Variants in MTFR1 observed in about 807,000 individuals in gnomAD.
MTFR1 encodes mitochondrial fission regulator 1, also known as chondrocyte protein with a poly-proline region.
A neutral mutation model predicts 38.8 loss-of-function variants in MTFR1; 28 were observed. The ratio of observed to expected loss-of-function variants is 0.72; its 90% CI spans 0.53 to 0.99. The LOEUF is 0.99. MTFR1 is among the 50% of genes least tolerant of loss of function. The probability of loss-of-function intolerance (pLI) is 0.00; values close to 1 mark genes in which losing one functional copy is unlikely to be tolerated. For missense variants in MTFR1, 358 were observed against 395.5 expected (o/e 0.91, Z 0.81); for synonymous variants, 145 against 137.0 (o/e 1.06, Z -0.41).
downstream of MTFR1, among the ~76,000 whole-genome samples, chr8:65,773,525 A>T (rs1441759985): frequency 6.6e-6 from 1 of 152,234 alleles, no homozygotes; most frequent in African/African-American, 2.4e-5. Context: ...ATAAGTATAG[A>T]TACCAAAACC....
At chr8:65,732,795 G>A (rs529932810) in intron 3 of MTFR1, among the ~76,000 whole-genome samples, 2 of 152,322 alleles carry the variant, frequency 1.3e-5, no homozygotes, top group South Asian at 4.1e-4. Context: ...TTACAGGCAT[G>A]AGCCACCGCA....
At chr8:65,710,990 TAGAGAG>T (rs58516082), downstream of MTFR1, among the ~76,000 whole-genome samples, 15 of 150,754 alleles carry the variant, frequency 9.9e-5, no homozygotes, top group African/African-American at 1.5e-4. Context: ...TATATATATA[TAGAGAG>T]AGAGAGAGAG....
rs772035003 is a variant in MTFR1, at chr8:65,745,448, T to C, written c.*49-25499T>C. On this transcript the variant is annotated intron_variant, in intron 3 of 3. Transcript: ENST00000521247. Reference sequence around the variant, plus strand: ...AAATAGAAAGATATCAAAATTCCAATTTCCAACTTTTTCCAGCATACACTG... The same window carrying C: ...AAATAGAAAGATATCAAAATTCCAACTTCCAACTTTTTCCAGCATACACTG... The C allele has an allele frequency of 1.3e-5, 20 of 1,566,070 alleles. No homozygotes were observed. The highest frequency in any genetic ancestry group is 1.8e-5 in the Non-Finnish European group (20 of 1,136,436).
chr8:65,716,799 G>A (rs1806159962), intron 2 of MTFR1, among the ~76,000 whole-genome samples: 2 of 145,496 alleles, frequency 1.4e-5, no homozygotes, highest in African/African-American at 4.9e-5. Flanking sequence ...AAGGATCTGA[G>A]TTATCAGACT....
intron 2 of MTFR1, among the ~76,000 whole-genome samples, chr8:65,680,449 G>A (rs577418387): frequency 1.3e-5 from 2 of 152,102 alleles, no homozygotes; most frequent in Non-Finnish European, 2.9e-5. Context: ...ACAGATGTTA[G>A]CTACTGTGCC....
rs141941459 is a variant in MTFR1 at position 65,704,777 on chromosome 8, A to G, written c.365A>G (p.Asp122Gly). The G allele has an allele frequency of 8.7e-6, 14 of 1,614,082 alleles. 1 individual carries two copies. In the African/African-American group the frequency reaches 1.9e-4, roughly 22 times the overall value. Residue 122 changes from aspartate (D) to glycine (G), a missense_variant, in exon 5 of 8, where the codon GAC (aspartate) becomes GGC (glycine). By Grantham distance (94) the Asp-to-Gly change is moderately conservative. Coordinates refer to ENST00000262146, the MANE Select transcript of MTFR1 (RefSeq NM_014637.4). ...CCAAGCAGACAGATTTCCTTACCAG[A>G]CTTGTCTCAAGAAGAGCCTCAGCTG... ...KAPSRQISLP[D>G]LSQEEPQLKT...
downstream of MTFR1, chr8:65,714,538 C>G (rs1047343378): frequency 6.6e-6 from 1 of 152,120 alleles, no homozygotes; most frequent in African/African-American, 2.4e-5. Flanking sequence ...GCTGCTAATT[C>G]TTGCACAGAC....
At chr8:65,712,573 C>T (rs1181437189), downstream of MTFR1, among the ~76,000 whole-genome samples, 1 of 152,132 alleles carries the variant, frequency 6.6e-6, no homozygotes, top group Admixed American at 6.5e-5. Context: ...TTAGCACTTA[C>T]CATATATCAA....
At chr8:65,677,985 C>T (rs1160817984) in intron 2 of MTFR1, among the ~76,000 whole-genome samples, 1 of 145,282 alleles carries the variant, frequency 6.9e-6, no homozygotes, top group African/African-American at 2.6e-5. Flanking sequence ...CACTGCACTC[C>T]AGCCTGGCAA....
chr8:65,747,905 C>T (rs1010525844), intron 3 of MTFR1: 1 of 575,474 alleles, frequency 1.7e-6, no homozygotes, highest in Non-Finnish European at 2.9e-6. Flanking sequence ...TTTAAAAATT[C>T]ATTTAAATAA....
chr8:65,706,534 T>C (rs1388334807), intron 5 of MTFR1, among the ~76,000 whole-genome samples: 1 of 152,170 alleles, frequency 6.6e-6, no homozygotes, highest in Non-Finnish European at 1.5e-5. Context: ...GGATTACAGG[T>C]GTGAGCCACT....
In MTFR1 at chr8:65,744,145, T is replaced by C. The variant is rs966011156; in HGVS notation, c.*48+24664T>C. Among the ~76,000 whole-genome samples, 3 of 152,250 alleles carry C rather than the reference T, an allele frequency of 2.0e-5. No individual in the cohort carries two copies. In the East Asian group the frequency reaches 5.8e-4, roughly 29 times the overall value. On this transcript the variant is annotated intron_variant, in intron 3 of 3. Transcript: ENST00000521247. ...ACCACGCCCAGCCTAGCTGAACTGC[T>C]TTTACCAGTGAATAAGAACACAAAT...
At chr8:65,660,759 A>C (rs1809391318) in intron 1 of MTFR1, among the ~76,000 whole-genome samples, 1 of 152,168 alleles carries the variant, frequency 6.6e-6, no homozygotes, top group Non-Finnish European at 1.5e-5. Context: ...AAGGAGTAAA[A>C]CTTGCACTGA....
intron 3 of MTFR1, chr8:65,719,606 CT>C: frequency 1.4e-6 from 1 of 703,276 alleles, no homozygotes; most frequent in Non-Finnish European, 2.4e-6. Flanking sequence ...TTACCCAGAT[CT>C]TATTCTTCAA....
intron 1 of MTFR1, among the ~76,000 whole-genome samples, chr8:65,652,394 G>T (rs1364208685): frequency 6.6e-6 from 1 of 151,544 alleles, no homozygotes; most frequent in East Asian, 1.9e-4. Flanking sequence ...ATCATATCTA[G>T]CCCTTAATTT....
intron 2 of MTFR1, 52 bp downstream of exon 2, chr8:65,670,070 A>T (rs1019175241): frequency 1.4e-6 from 2 of 1,471,652 alleles, no homozygotes; most frequent in African/African-American, 1.4e-5. Flanking sequence ...TATTTTAAGA[A>T]TTTTTTCTGA....
downstream of MTFR1, among the ~76,000 whole-genome samples, chr8:65,772,002 G>A (rs1809109361): frequency 6.6e-6 from 1 of 152,000 alleles, no homozygotes; most frequent in Non-Finnish European, 1.5e-5. Context: ...TAAATGACTG[G>A]TTCAAGGAGA....
chr8:65,743,983 C>T (rs966843212), intron 3 of MTFR1, among the ~76,000 whole-genome samples: 1 of 152,124 alleles, frequency 6.6e-6, no homozygotes. Flanking sequence ...GAGACATGAA[C>T]CACCACACCC....
At chr8:65,673,254 G>A (rs192694041) in intron 2 of MTFR1, among the ~76,000 whole-genome samples, 22 of 152,188 alleles carry the variant, frequency 1.4e-4, no homozygotes, top group African/African-American at 4.8e-4. Context: ...GCTGGTGGGT[G>A]GAACAGTCAA....
Sources: allele counts gnomAD v4.1 joint callset (sites outside exome capture counted in the v4.1 genomes callset), GRCh38; gene constraint gnomAD v4.1.1; transcripts MANE v1.5; gene names NCBI Gene and HGNC (gene_info 2026-07-23, HGNC 2026-07-21).